Variants in MEMO1 observed in about 807,000 individuals in gnomAD.
MEMO1 encodes the protein protein MEMO1.
A neutral mutation model predicts 45.2 loss-of-function variants in MEMO1; 6 were observed. That is an observed-to-expected ratio of 0.13 (90% CI 0.07 to 0.26). The LOEUF (loss-of-function observed/expected upper bound fraction) is 0.26, where lower values mean the gene tolerates loss of function less well. Ranked by LOEUF, MEMO1 falls within the 10% of genes least tolerant of loss-of-function variation. The pLI, the probability that MEMO1 is intolerant of heterozygous loss-of-function variation, is 1.00. For synonymous variants in MEMO1, 78 were observed against 124.3 expected, an observed-to-expected ratio of 0.63 and a Z score of 2.48; for missense variants, 184 against 370.5, an observed-to-expected ratio of 0.50 and a Z score of 4.13.
chr2:31,920,922 A>G lies in MEMO1; in HGVS notation c.213-12T>C, dbSNP rs372858029. The G allele has an allele frequency of 3.4e-5, 53 of 1,557,774 alleles. No individual in the cohort carries two copies. The highest frequency in any genetic ancestry group is 4.2e-5 in the Non-Finnish European group (48 of 1,138,994). On this transcript the variant is annotated splice_polypyrimidine_tract_variant and intron_variant, in intron 4 of 9. Transcript: ENST00000404530. ...TGAAAATTCTCCGGCTAGGAGATAC[A>G]CAACAAAAAAACACGTAACAATTGC...
intron 2 of MEMO1, among the ~76,000 whole-genome samples, chr2:31,975,032 C>T (rs542771150): frequency 1.3e-5 from 2 of 151,714 alleles, no homozygotes; most frequent in East Asian, 2.0e-4. Context: ...ATCAGCTGGA[C>T]GTGGTGGCAG....
intron 6 of MEMO1, among the ~76,000 whole-genome samples, chr2:31,902,823 C>T (rs1258255403): frequency 6.6e-6 from 1 of 152,002 alleles, no homozygotes; most frequent in Admixed American, 6.6e-5. Context: ...GCCATCACAG[C>T]TCACTGCAGC....
chr2:31,950,300 G>T (rs919652960), intron 2 of MEMO1, among the ~76,000 whole-genome samples: 1 of 151,318 alleles, frequency 6.6e-6, no homozygotes, highest in African/African-American at 2.4e-5. Context: ...AGAATCTCTT[G>T]AACCTGGAAG....
intron 4 of MEMO1, among the ~76,000 whole-genome samples, chr2:31,931,811 A>C (rs1664210416): frequency 1.3e-5 from 2 of 152,194 alleles, no homozygotes; most frequent in African/African-American, 4.8e-5. Flanking sequence ...AAATATCAAA[A>C]AACAAAATAT....
At chr2:32,001,339 G>T (rs1673294362) in intron 2 of MEMO1, among the ~76,000 whole-genome samples, 1 of 152,002 alleles carries the variant, frequency 6.6e-6, no homozygotes. Context: ...GCACCCGGCA[G>T]AAGTGCCATA....
chr2:31,918,123 A>C (rs1558502061), intron 5 of MEMO1, 86 bp from the exon 6 acceptor site: 2 of 778,042 alleles, frequency 2.6e-6, no homozygotes, highest in South Asian at 3.2e-5. Flanking sequence ...ACAAAACTAC[A>C]TGCTTTTTGG....
At chr2:31,985,948 G>T (rs528527506) in intron 2 of MEMO1, among the ~76,000 whole-genome samples, 1 of 152,144 alleles carries the variant, frequency 6.6e-6, no homozygotes, top group African/African-American at 2.4e-5. Context: ...GATCAACATG[G>T]CAAGATCCCA....
At chr2:31,882,437 T>C (rs186965684) in intron 8 of MEMO1, among the ~76,000 whole-genome samples, 5 of 152,256 alleles carry the variant, frequency 3.3e-5, no homozygotes, top group Non-Finnish European at 1.5e-5. Context: ...TTTACAGAAA[T>C]ATATCAATGA....
At chr2:31,933,317 T>TATA (rs1664415658) in intron 3 of MEMO1, among the ~76,000 whole-genome samples, 1 of 24,112 alleles carries the variant, frequency 4.1e-5, no homozygotes, top group Non-Finnish European at 6.7e-5. Flanking sequence ...ACCACCTCTT[T>TATA]AAAAAAAAAA....
At chr2:31,896,829 A>G (rs1677898682) in intron 6 of MEMO1, among the ~76,000 whole-genome samples, 1 of 152,198 alleles carries the variant, frequency 6.6e-6, no homozygotes, top group South Asian at 2.1e-4. Flanking sequence ...CCAAAATAAA[A>G]ATTGGGCAAA....
chr2:31,962,099 C>G (rs967522410), intron 2 of MEMO1, among the ~76,000 whole-genome samples: 4 of 151,990 alleles, frequency 2.6e-5, no homozygotes, highest in Admixed American at 6.6e-5. Flanking sequence ...CAGGTTGATA[C>G]AAAGAATGGC....
At chr2:31,937,046 T>G (rs976261187) in intron 3 of MEMO1, among the ~76,000 whole-genome samples, 13 of 152,190 alleles carry the variant, frequency 8.5e-5, no homozygotes, top group African/African-American at 2.9e-4. Context: ...TGGGATCAAT[T>G]TGATTGACAA....
intron 2 of MEMO1, among the ~76,000 whole-genome samples, chr2:31,992,246 G>C (rs1316132127): frequency 6.6e-6 from 1 of 152,166 alleles, no homozygotes; most frequent in African/African-American, 2.4e-5. Flanking sequence ...TTTTTTTATA[G>C]ATCAAGTTTT....
chr2:32,010,003 C>CG (rs934129937), intron 2 of MEMO1, among the ~76,000 whole-genome samples, 184 bp downstream of exon 2: 48 of 149,754 alleles, frequency 3.2e-4, no homozygotes, highest in Non-Finnish European at 5.9e-4. Context: ...GCCCGCCGCC[C>CG]GGGTGGGGGA....
chr2:31,926,066 T>C (rs76359136), intron 4 of MEMO1, among the ~76,000 whole-genome samples: 1,541 of 152,182 alleles, frequency 0.01, 33 homozygotes, highest in African/African-American at 0.035. Flanking sequence ...TGGCAGAAGA[T>C]TTCCCCAAAG....
intron 2 of MEMO1, among the ~76,000 whole-genome samples, chr2:31,974,384 G>T (rs776891409): frequency 1.3e-5 from 2 of 152,124 alleles, no homozygotes; most frequent in Non-Finnish European, 1.5e-5. Flanking sequence ...TGACAAGATG[G>T]TTTATGTAAT....
chr2:32,004,232 C>A (rs1172300544), intron 2 of MEMO1, among the ~76,000 whole-genome samples: 3 of 151,574 alleles, frequency 2.0e-5, no homozygotes, highest in Admixed American at 2.0e-4. Flanking sequence ...CACTGACACA[C>A]CAAGATTCTA....
chr2:31,939,370 C>T (rs1558519305), intron 3 of MEMO1, among the ~76,000 whole-genome samples: 1 of 152,054 alleles, frequency 6.6e-6, no homozygotes, highest in Non-Finnish European at 1.5e-5. Flanking sequence ...TTCAAATATC[C>T]ATTTTAAAAT....
At chr2:31,872,045 A>ACACACACAC (rs1553355618) in intron 8 of MEMO1, among the ~76,000 whole-genome samples, 1 of 151,696 alleles carries the variant, frequency 6.6e-6, no homozygotes, top group Non-Finnish European at 1.5e-5. Context: ...ACACACACAC[A>ACACACACAC]AAGTTAAACC....
Sources: allele counts gnomAD v4.1 joint callset (sites outside exome capture counted in the v4.1 genomes callset), GRCh38; gene constraint gnomAD v4.1.1; transcripts MANE v1.5; gene names NCBI Gene and HGNC (gene_info 2026-07-23, HGNC 2026-07-21).